NFATC1: variants seen among roughly 807,000 people sequenced by gnomAD.
The protein encoded by NFATC1 is nuclear factor of activated T cells 1.
A neutral mutation model predicts 76.0 loss-of-function variants in NFATC1; 22 were observed. That is an observed-to-expected ratio of 0.29 (90% CI 0.21 to 0.41). NFATC1 has a LOEUF of 0.41. Among genes scored for constraint, NFATC1 ranks in the 10% least tolerant of loss-of-function variants. The pLI, the probability that NFATC1 is intolerant of heterozygous loss-of-function variation, is 1.00. For missense variants in NFATC1, 1,357 were observed against 1,337.7 expected (o/e 1.01, Z -0.23); for synonymous variants, 704 against 613.1 (o/e 1.15, Z -2.19).
chr18:79,480,384 C>T (rs1344978704), intron 8 of NFATC1, among the ~76,000 whole-genome samples: 1 of 152,052 alleles, frequency 6.6e-6, no homozygotes, highest in African/African-American at 2.4e-5. Context: ...TCCACTGGGC[C>T]TTCTGCTTGC....
rs374700392 is a variant in NFATC1, at chr18:79,425,655, G to A, written c.1227-7924G>A. On this transcript the variant is annotated intron_variant, in intron 2 of 9. Transcript: ENST00000427363. ...AGGGCGCGATTCCGGGATTCTCATC[G>A]TTCACCGGCGGAGTCGGGGCGACTC... Among the ~76,000 whole-genome samples the A allele has an allele frequency of 1.1e-4, 17 of 151,056 alleles. No individual in the cohort carries two copies. The East Asian group carries it at 2.1e-3, about 19-fold the overall frequency.
At chr18:79,441,876 G>A (rs1292033866) in intron 3 of NFATC1, among the ~76,000 whole-genome samples, 2 of 152,048 alleles carry the variant, frequency 1.3e-5, no homozygotes, top group Non-Finnish European at 2.9e-5. Flanking sequence ...TGGATTAATT[G>A]ATTAGATTTA....
chr18:79,502,543 A>G (rs1239408725), intron 9 of NFATC1, among the ~76,000 whole-genome samples: 1 of 152,244 alleles, frequency 6.6e-6, no homozygotes, highest in Non-Finnish European at 1.5e-5. Context: ...AAGATAAGCA[A>G]TAGACTAGAG....
At chr18:79,479,046 G>A (rs1028991575) in intron 8 of NFATC1, among the ~76,000 whole-genome samples, 34 of 152,240 alleles carry the variant, frequency 2.2e-4, no homozygotes, top group Admixed American at 1.5e-3. Flanking sequence ...CATGGACACC[G>A]CAGCCAGCCT....
intron 9 of NFATC1, among the ~76,000 whole-genome samples, chr18:79,491,762 G>T (rs539516327): frequency 6.6e-6 from 1 of 152,198 alleles, no homozygotes; most frequent in Admixed American, 6.5e-5. Flanking sequence ...GTGGTGGATC[G>T]CAGAGCTGCG....
chr18:79,527,792 A>G lies in NFATC1; in HGVS notation c.*215A>G. The G allele has an allele frequency of 1.7e-6, 1 of 588,062 alleles. No homozygotes were observed. The highest frequency in any genetic ancestry group is 3.0e-6 in the Non-Finnish European group (1 of 331,960). 36.4% of individuals were successfully genotyped at this position (588,062 alleles called of 1,614,324 possible). ...CACTGTGTCACCTGGAGGAGAAGTC[A>G]TCTCATGACAACAGAAGGGAGGTGG... On this transcript the variant is annotated 3_prime_UTR_variant, in exon 10 of 10. Coordinates refer to ENST00000427363, the MANE Select transcript of NFATC1 (RefSeq NM_001278669.2).
chr18:79,467,615 C>T, intron 8 of NFATC1, 33 bp downstream of exon 8: 2 of 1,612,188 alleles, frequency 1.2e-6, no homozygotes, highest in Non-Finnish European at 1.7e-6. Flanking sequence ...AAGCCGTGAA[C>T]ATGAGCGCGT....
rs73969680 is a variant in NFATC1 at position 79,484,925 on chromosome 18, C to T, written c.2093-1323C>T. Among the ~76,000 whole-genome samples the T allele has an allele frequency of 4.2e-3, 645 of 152,356 alleles. 4 individuals carry two copies. Among genetic ancestry groups the T allele is most frequent in the African/African-American group, 0.014 (577 of 41,584 alleles). On this transcript the variant is annotated intron_variant, in intron 8 of 9. Transcript: ENST00000427363. The stretch of plus-strand genomic sequence containing the variant: ...GGCGTCTCGAGCTGCAGGAAAACGC[C>T]GTCTCCATCGTTCGCAGCTGCTGGT...
intron 8 of NFATC1, among the ~76,000 whole-genome samples, chr18:79,477,764 C>T (rs984482721): frequency 3.9e-5 from 6 of 152,170 alleles, no homozygotes; most frequent in African/African-American, 1.2e-4. Flanking sequence ...GCTGGAAGTC[C>T]GAGGTTGGGA....
At chr18:79,430,957 C>T (rs963544788) in intron 2 of NFATC1, among the ~76,000 whole-genome samples, 1 of 152,206 alleles carries the variant, frequency 6.6e-6, no homozygotes, top group Non-Finnish European at 1.5e-5. Context: ...TGGGTCCAGC[C>T]GCCTTTCCTT....
At chr18:79,416,121 AGATTTTAGCATATC>A (rs1236156370) in intron 2 of NFATC1, among the ~76,000 whole-genome samples, 1 of 152,236 alleles carries the variant, frequency 6.6e-6, no homozygotes, top group African/African-American at 2.4e-5. Context: ...GCAATATTGA[AGATTTTAGCATATC>A]GGTCACTTTT....
At chr18:79,482,714 A>ATTCCAGCATGAGCTGTTTGCTGGGGTGTC (rs2089330903) in intron 8 of NFATC1, among the ~76,000 whole-genome samples, 1 of 113,536 alleles carries the variant, frequency 8.8e-6, no homozygotes. Flanking sequence ...CCTGGGGTGT[A>ATTCCAGCATGAGCTGTTTGCTGGGGTGTC]ATTCCAGCGT....
At chr18:79,522,934 G>C (rs1372591781) in intron 9 of NFATC1, among the ~76,000 whole-genome samples, 1 of 152,232 alleles carries the variant, frequency 6.6e-6, no homozygotes, top group South Asian at 2.1e-4. Context: ...GGGAGGATCT[G>C]GGGGCAGGTG....
At chr18:79,459,759 G>A (rs1048689129) in intron 6 of NFATC1, among the ~76,000 whole-genome samples, 1 of 152,132 alleles carries the variant, frequency 6.6e-6, no homozygotes, top group African/African-American at 2.4e-5. Flanking sequence ...AAGTTCAAAA[G>A]TCATTTTCAA....
chr18:79,464,706 A>T (rs56241473), intron 7 of NFATC1, among the ~76,000 whole-genome samples: 19,487 of 79,528 alleles, frequency 0.25, 3,344 homozygotes, highest in East Asian at 0.3. Context: ...TTATTTATTT[A>T]TTTATTTTTT....
At position 79,450,965 on chromosome 18, in the gene NFATC1, C is replaced by G; in HGVS notation, c.1601C>G (p.Ala534Gly). Residue 534 changes from alanine (A) to glycine (G), a missense_variant, in exon 5 of 10, where the codon GCC becomes GGC. Physicochemically the swap from Ala to Gly is moderately conservative, Grantham distance 60. This residue lies in a region of NFATC1 where 242 missense variants were observed against 329.2 expected (regional missense o/e 0.74). Transcript: ENST00000427363. ...TTTGTTTTGGGCAGCATTGACTGTG[C>G]CGGAATCCTGAAACTCAGAAACTCC... ...ENSMRAVIDC[A>G]GILKLRNSDI... is the part of the protein sequence containing the mutation. 1 of 1,613,416 alleles carries G rather than the reference C, an allele frequency of 6.2e-7. No individual in the cohort carries two copies. The highest frequency in any genetic ancestry group is 8.5e-7 in the Non-Finnish European group (1 of 1,179,760).
At chr18:79,436,728 C>T (rs952785443) in intron 3 of NFATC1, among the ~76,000 whole-genome samples, 3 of 151,822 alleles carry the variant, frequency 2.0e-5, no homozygotes, top group African/African-American at 7.3e-5. Flanking sequence ...TGCTGAGGGG[C>T]GTGAGGGGGT....
chr18:79,451,540 G>A (rs910500468), intron 5 of NFATC1, 136 bp from the exon 6 acceptor site: 6 of 925,604 alleles, frequency 6.5e-6, no homozygotes, highest in East Asian at 3.0e-5. Flanking sequence ...AGTGGCATCC[G>A]CAGGGGTCGG....
chr18:79,528,708 T>G lies in NFATC1; in HGVS notation c.*1131T>G, dbSNP rs902790680. The G allele has an allele frequency of 1.3e-5, 2 of 152,250 alleles. No individual in the cohort carries two copies. Among genetic ancestry groups the G allele is most frequent in the African/African-American group, 4.8e-5 (2 of 41,468 alleles). The allele number at this position is 152,250 out of a possible 1,614,324, so 9.4% of individuals were successfully genotyped here. A position where few individuals can be genotyped will look rare whatever the true frequency, so the allele number is the denominator to read the frequency against. Reference sequence around the variant, plus strand: ...GATTGTTTCACAGAAGCCTTACCACTCTCTGCTTCATCTAAGAAAACCAAT... The same window carrying G: ...GATTGTTTCACAGAAGCCTTACCACGCTCTGCTTCATCTAAGAAAACCAAT... On this transcript the variant is annotated 3_prime_UTR_variant, in exon 10 of 10. Transcript: ENST00000427363.
Sources: gnomAD v4.1 joint callset for allele counts (sites outside exome capture counted in the v4.1 genomes callset) on GRCh38, gnomAD v4.1.1 for gene constraint, gnomAD v4.1.1 regional missense constraint, MANE v1.5 for transcripts, NCBI Gene and HGNC (gene_info 2026-07-23, HGNC 2026-07-21) for gene names.